The following ASAH2 variants were observed in gnomAD, a reference collection of about 807,000 sequenced individuals.
The protein encoded by ASAH2 is N-acylsphingosine amidohydrolase 2, also known as neutral ceramidase.
ASAH2 carries 58 observed loss-of-function variants against 82.9 expected under a neutral mutation model. That is an observed-to-expected ratio of 0.70 (90% CI 0.57 to 0.87). ASAH2 has a LOEUF of 0.87. Ranked by LOEUF, ASAH2 falls within the 40% of genes least tolerant of loss-of-function variation. The pLI is 0.00. For synonymous variants in ASAH2, 276 were observed against 289.7 expected (o/e 0.95, Z 0.48); for missense variants, 779 against 834.0 (o/e 0.93, Z 0.81).
rs1331251098 is a variant in ASAH2 at position 50,218,590 on chromosome 10, G to A, written c.934C>T (p.His312Tyr). 4 of 1,613,638 alleles carry A rather than the reference G, an allele frequency of 2.5e-6. No individual in the cohort carries two copies. In the South Asian group the frequency reaches 3.3e-5, roughly 13 times the overall value. Reference sequence around the variant, plus strand: ...CCCACATTGTCACTGTTTACAAGATGGTTACTGTTGTTCATGCTGACCGGG... The same window carrying A: ...CCCACATTGTCACTGTTTACAAGATAGTTACTGTTGTTCATGCTGACCGGG... ...IHPVSMNNSN[H>Y]LVNSDNVGYA... The change falls in exon 8 of 21, where the codon CAT (histidine) becomes TAT (tyrosine). Residue 312 changes from histidine (H) to tyrosine (Y), a missense_variant. Physicochemically the swap from His to Tyr is moderately conservative, Grantham distance 83. Transcript: ENST00000682911.
chr10:50,215,678 T>C (rs1845573656), intron 8 of ASAH2, among the ~76,000 whole-genome samples: 1 of 152,134 alleles, frequency 6.6e-6, no homozygotes, highest in South Asian at 2.1e-4. Flanking sequence ...TTGGTACCAG[T>C]ACCATGCTGT....
At chr10:50,207,098 A>G (rs909531287) in intron 12 of ASAH2, among the ~76,000 whole-genome samples, 1 of 151,990 alleles carries the variant, frequency 6.6e-6, no homozygotes, top group African/African-American at 2.4e-5. Context: ...GGAAGAAATC[A>G]AAGGAAAATC....
intron 13 of ASAH2, 76 bp downstream of exon 13, chr10:50,205,906 C>G: frequency 8.9e-7 from 1 of 1,128,568 alleles, no homozygotes; most frequent in Non-Finnish European, 1.4e-6. Flanking sequence ...TAGATATCTA[C>G]CATTCATTAC....
intron 7 of ASAH2, among the ~76,000 whole-genome samples, chr10:50,227,704 G>A (rs1845925825): frequency 6.6e-6 from 1 of 152,004 alleles, no homozygotes; most frequent in South Asian, 2.1e-4. Context: ...TAACAATCAA[G>A]TTGTCCAATA....
chr10:50,210,051 G>A (rs1356580303), intron 12 of ASAH2, among the ~76,000 whole-genome samples: 1 of 152,056 alleles, frequency 6.6e-6, no homozygotes, highest in Non-Finnish European at 1.5e-5. Flanking sequence ...CAAGAGGAAA[G>A]ATGAAAACAA....
chr10:50,237,330 C>T (rs1846187072), intron 4 of ASAH2, among the ~76,000 whole-genome samples: 1 of 152,166 alleles, frequency 6.6e-6, no homozygotes, highest in African/African-American at 2.4e-5. Context: ...CACTAACTTG[C>T]TAGCCATCTG....
intron 2 of ASAH2, among the ~76,000 whole-genome samples, chr10:50,248,176 T>C (rs1846521494): frequency 6.6e-6 from 1 of 152,238 alleles, no homozygotes; most frequent in Non-Finnish European, 1.5e-5. Context: ...GATTAGAGGC[T>C]CATGGTAAAA....
Position 50,187,161 on chromosome 10 carries a change from C to CACAT in ASAH2, c.*153_*154insATGT. ...ACACACACACACACACACACACACACACCCCTCCACCCCATTAGCAGTAAA... is the reference window on the plus strand; with the variant it reads ...ACACACACACACACACACACACACACACATACCCCTCCACCCCATTAGCAGTAAA... On this transcript the variant is annotated 3_prime_UTR_variant, in exon 21 of 21. Coordinates refer to ENST00000682911, the MANE Select transcript of ASAH2 (RefSeq NM_019893.4). 3.9e-6 allele frequency: 1 copy of CACAT among 256,986 alleles called. No homozygotes were observed. The allele number at this position is 256,986 out of a possible 1,614,324, so 15.9% of individuals were successfully genotyped here. A position where few individuals can be genotyped will look rare whatever the true frequency, so the allele number is the denominator to read the frequency against.
rs1479150155 is a variant in ASAH2 at position 50,240,571 on chromosome 10, G to C, written c.510+2631C>G. On this transcript the variant is annotated intron_variant, in intron 4 of 20. Transcript: ENST00000682911. ...ATATCACCCACAGAATTAAAAACAA[G>C]CTGGCATCTCAAGGCCCTCTGCAAT... 3.3e-5 allele frequency: 23 copies of C among 702,096 alleles called. No homozygotes were observed. In the East Asian group the frequency reaches 5.6e-4, roughly 17 times the overall value. The allele number at this position is 702,096 out of a possible 1,614,324, so 43.5% of individuals were successfully genotyped here.
rs548305866 is a variant in ASAH2 at position 50,247,537 on chromosome 10, G to C, written c.127+947C>G. On this transcript the variant is annotated intron_variant, in intron 2 of 20. Coordinates refer to ENST00000682911, the MANE Select transcript of ASAH2 (RefSeq NM_019893.4). Reference sequence around the variant, plus strand: ...CCCTGCTGTGCCTACTGCTGGATCAGAGGATCTCTGATCCTCTGTGTTTGC... The same window carrying C: ...CCCTGCTGTGCCTACTGCTGGATCACAGGATCTCTGATCCTCTGTGTTTGC... Among the ~76,000 whole-genome samples the C allele has an allele frequency of 2.0e-5, 3 of 152,122 alleles. No individual in the cohort carries two copies. The South Asian group carries it at 6.2e-4, about 32-fold the overall frequency.
chr10:50,203,005 C>T, intron 15 of ASAH2, 81 bp from the exon 16 acceptor site: 1 of 951,536 alleles, frequency 1.1e-6, no homozygotes. Context: ...AACACACAAG[C>T]ATTGATTACA....
chr10:50,212,731 A>T, intron 10 of ASAH2, among the ~76,000 whole-genome samples: 1 of 152,140 alleles, frequency 6.6e-6, no homozygotes, highest in East Asian at 1.9e-4. Flanking sequence ...CTAAAATAGA[A>T]TGTTTTCCTG....
In ASAH2 at chr10:50,202,876, G is replaced by A; in HGVS notation, c.1714C>T (p.Leu572=). The A allele has an allele frequency of 6.2e-7, 1 of 1,612,096 alleles. No homozygotes were observed. Among genetic ancestry groups the A allele is most frequent in the Non-Finnish European group, 8.5e-7 (1 of 1,178,602 alleles). The change falls in exon 16 of 21, where the codon CTA becomes TTA. Residue 572 remains leucine, a synonymous_variant. Transcript: ENST00000682911. Reference sequence around the variant, plus strand: ...ATGTAATGTGTATAGACGTTGCATAGACCTGAAATAACAACAGTCATGTTC... The same window carrying A: ...ATGTAATGTGTATAGACGTTGCATAAACCTGAAATAACAACAGTCATGTTC... The part of the protein sequence containing the change: ...MQNMTVVISG[L]CNVYTHYITT...
At chr10:50,249,975 A>G (rs1392675179) in intron 1 of ASAH2, among the ~76,000 whole-genome samples, 1 of 152,238 alleles carries the variant, frequency 6.6e-6, no homozygotes, top group East Asian at 1.9e-4. Context: ...TATTTAGTAC[A>G]GTCAATTTTT....
intron 13 of ASAH2, 52 bp downstream of exon 13, chr10:50,205,930 T>A (rs1217218113): frequency 2.1e-5 from 28 of 1,333,012 alleles, no homozygotes; most frequent in Non-Finnish European, 2.9e-5. Flanking sequence ...ACAGTTCACA[T>A]ATTTAAAAAT....
chr10:50,226,045 A>T (rs1429480665), intron 7 of ASAH2, among the ~76,000 whole-genome samples: 1 of 152,016 alleles, frequency 6.6e-6, no homozygotes, highest in Non-Finnish European at 1.5e-5. Flanking sequence ...GTGAGCCAAG[A>T]TTGCACCACT....
intron 6 of ASAH2, 47 bp downstream of exon 6, chr10:50,234,378 T>C: frequency 6.2e-7 from 1 of 1,612,276 alleles, no homozygotes; most frequent in Non-Finnish European, 8.5e-7. Context: ...TTTGTTGCTG[T>C]TCCCTAAAGG....
Position 50,245,218 on chromosome 10 carries a change from T to G in ASAH2, c.360+4A>C, listed in dbSNP as rs1399643471. 1 of 1,609,316 alleles carries G rather than the reference T, an allele frequency of 6.2e-7. No homozygotes were observed. The highest frequency in any genetic ancestry group is 8.5e-7 in the Non-Finnish European group (1 of 1,175,776). ...TCTCCTTAAGGAGCCCATTGTCTACTTGCCAAATTGATATCTGCTACTTGT... is the reference window on the plus strand; with the variant it reads ...TCTCCTTAAGGAGCCCATTGTCTACGTGCCAAATTGATATCTGCTACTTGT... On this transcript the variant is annotated splice_donor_region_variant and intron_variant, in intron 3 of 20. Transcript: ENST00000682911.
chr10:50,222,767 A>G (rs1045983638), intron 7 of ASAH2, among the ~76,000 whole-genome samples: 188 of 152,330 alleles, frequency 1.2e-3, no homozygotes, highest in Middle Eastern at 3.4e-3. Flanking sequence ...CACAGCAACC[A>G]AAGTACTATA....
Sources: allele counts gnomAD v4.1 joint callset (sites outside exome capture counted in the v4.1 genomes callset), GRCh38; gene constraint gnomAD v4.1.1; transcripts MANE v1.5; gene names NCBI Gene and HGNC (gene_info 2026-07-23, HGNC 2026-07-21).